Variants in RALGAPA2 observed in about 807,000 individuals in gnomAD.
RALGAPA2 encodes the protein Ral GTPase activating protein catalytic subunit alpha 2, also known as ral GTPase-activating protein subunit alpha-2.
In RALGAPA2, 139 loss-of-function variants were observed where a neutral mutation model predicts 230.4. That is an observed-to-expected ratio of 0.60 (90% CI 0.53 to 0.69). The LOEUF (loss-of-function observed/expected upper bound fraction) is 0.69, where lower values mean the gene tolerates loss of function less well. Ranked by LOEUF, RALGAPA2 falls within the 30% of genes least tolerant of loss-of-function variation. The pLI is 0.00. For missense variants in RALGAPA2, 2,163 were observed against 2,276.0 expected (o/e 0.95, Z 1.01); for synonymous variants, 847 against 837.8 (o/e 1.01, Z -0.19).
intron 36 of RALGAPA2, among the ~76,000 whole-genome samples, chr20:20,491,253 G>A (rs939551503): frequency 3.3e-5 from 5 of 152,078 alleles, no homozygotes; most frequent in African/African-American, 1.2e-4. Flanking sequence ...TTTTCTCCAT[G>A]CTCGTATGTA....
At chr20:20,592,451 A>G (rs2065319875) in intron 16 of RALGAPA2, among the ~76,000 whole-genome samples, 1 of 151,768 alleles carries the variant, frequency 6.6e-6, no homozygotes, top group African/African-American at 2.4e-5. Flanking sequence ...ATCCCTCCTT[A>G]CCATGCTGCC....
In RALGAPA2 at chr20:20,624,395, A is replaced by G. The variant is rs553607584; in HGVS notation, c.1234-3765T>C. On this transcript the variant is annotated intron_variant, in intron 10 of 39. Coordinates refer to ENST00000202677, the MANE Select transcript of RALGAPA2 (RefSeq NM_020343.4). ...TCCCCATCATAAAAGGACTTAAGGC[A>G]TAAGCGTTCCAGGACATCTTCCTGA... 9.6e-4 allele frequency among the ~76,000 whole-genome samples: 146 copies of G among 152,092 alleles called. 1 individual carries two copies. Among genetic ancestry groups the G allele is most frequent in the African/African-American group, 3.4e-3 (140 of 41,522 alleles).
At chr20:20,601,089 G>A (rs1250601300) in intron 16 of RALGAPA2, among the ~76,000 whole-genome samples, 2 of 151,722 alleles carry the variant, frequency 1.3e-5, no homozygotes, top group East Asian at 3.9e-4. Flanking sequence ...GTCAGAGCGA[G>A]ACTCTGTCTC....
intron 36 of RALGAPA2, among the ~76,000 whole-genome samples, chr20:20,476,518 C>G (rs6106256): frequency 1.3e-5 from 2 of 151,576 alleles, no homozygotes; most frequent in African/African-American, 4.8e-5. Flanking sequence ...AAAAGTGAAC[C>G]TTGACCTTCA....
chr20:20,540,326 T>C (rs1175097142), intron 24 of RALGAPA2, among the ~76,000 whole-genome samples: 1 of 152,222 alleles, frequency 6.6e-6, no homozygotes, highest in Non-Finnish European at 1.5e-5. Context: ...GTGCAATATT[T>C]GAAAACAGAA....
intron 31 of RALGAPA2, among the ~76,000 whole-genome samples, chr20:20,515,017 G>A (rs1307858088): frequency 2.0e-5 from 3 of 152,166 alleles, no homozygotes; most frequent in African/African-American, 7.2e-5. Context: ...CCCAACACCA[G>A]GGGAGCTGTA....
chr20:20,561,067 A>T (rs2064242754), intron 23 of RALGAPA2, among the ~76,000 whole-genome samples: 1 of 152,208 alleles, frequency 6.6e-6, no homozygotes. Context: ...TCTAAAGTGA[A>T]TGTTCCCTTT....
At chr20:20,569,294 ACAGT>A (rs1264643601) in intron 23 of RALGAPA2, among the ~76,000 whole-genome samples, 8 of 152,224 alleles carry the variant, frequency 5.3e-5, no homozygotes, top group Non-Finnish European at 7.4e-5. Flanking sequence ...TGTTTGGCAG[ACAGT>A]CAGCGCTTCT....
intron 1 of RALGAPA2, among the ~76,000 whole-genome samples, chr20:20,687,965 T>C (rs1458830153): frequency 6.6e-6 from 1 of 152,170 alleles, no homozygotes; most frequent in African/African-American, 2.4e-5. Flanking sequence ...CACCAGCCAG[T>C]ATGTTTCGGT....
intron 26 of RALGAPA2, among the ~76,000 whole-genome samples, 151 bp from the exon 27 acceptor site, chr20:20,531,946 A>G (rs2063379448): frequency 6.6e-6 from 1 of 152,252 alleles, no homozygotes; most frequent in African/African-American, 2.4e-5. Flanking sequence ...AAGAAAAGAT[A>G]AAGAACCCTC....
intron 39 of RALGAPA2, 135 bp downstream of exon 39, chr20:20,396,560 C>A: frequency 1.3e-6 from 1 of 763,498 alleles, no homozygotes; most frequent in South Asian, 2.0e-5. Flanking sequence ...TGGGCAGGGC[C>A]CCCGGGGAGG....
chr20:20,491,482 T>C (rs1367377206), intron 36 of RALGAPA2, among the ~76,000 whole-genome samples: 1 of 152,142 alleles, frequency 6.6e-6, no homozygotes, highest in African/African-American at 2.4e-5. Context: ...CACTAAAACT[T>C]ACCTTCGCAA....
At chr20:20,594,838 C>T (rs2065402479) in intron 16 of RALGAPA2, among the ~76,000 whole-genome samples, 1 of 150,952 alleles carries the variant, frequency 6.6e-6, no homozygotes, top group Admixed American at 6.6e-5. Flanking sequence ...ATGGCATTCT[C>T]CTGCCTCAGC....
At chr20:20,710,842 G>T (rs2069827170) in intron 1 of RALGAPA2, among the ~76,000 whole-genome samples, 2 of 152,158 alleles carry the variant, frequency 1.3e-5, no homozygotes, top group Non-Finnish European at 2.9e-5. Flanking sequence ...CTAAAGCACA[G>T]AAAAAGGCTC....
intron 25 of RALGAPA2, 26 bp from the exon 26 acceptor site, chr20:20,535,829 A>G (rs1390457385): frequency 6.5e-7 from 1 of 1,539,612 alleles, no homozygotes; most frequent in African/African-American, 1.4e-5. Context: ...TAAGTAAAAT[A>G]AAAACTTTGT....
At chr20:20,692,560 T>A (rs2068951659) in intron 1 of RALGAPA2, among the ~76,000 whole-genome samples, 1 of 152,234 alleles carries the variant, frequency 6.6e-6, no homozygotes, top group South Asian at 2.1e-4. Context: ...GACCTGATAC[T>A]GCTGAGCCAA....
chr20:20,644,941 GAT>G (rs2146540410), intron 4 of RALGAPA2, among the ~76,000 whole-genome samples: 1 of 152,262 alleles, frequency 6.6e-6, no homozygotes, highest in South Asian at 2.1e-4. Flanking sequence ...GAGACCTAAT[GAT>G]AAAGTCTGCA....
chr20:20,704,824 T>G (rs1277738213), intron 1 of RALGAPA2, among the ~76,000 whole-genome samples: 1 of 152,232 alleles, frequency 6.6e-6, no homozygotes, highest in East Asian at 1.9e-4. Flanking sequence ...TAAAAGCCAT[T>G]GTGCACTTAA....
chr20:20,640,947 C>T (rs1300894310), intron 5 of RALGAPA2, 69 bp from the exon 6 acceptor site: 2 of 1,358,088 alleles, frequency 1.5e-6, no homozygotes, highest in Non-Finnish European at 2.0e-6. Context: ...AATGTAGCAT[C>T]GGTCTTGAGA....
Sources: gnomAD v4.1 joint callset for allele counts (sites outside exome capture counted in the v4.1 genomes callset) on GRCh38, gnomAD v4.1.1 for gene constraint, MANE v1.5 for transcripts, NCBI Gene and HGNC (gene_info 2026-07-23, HGNC 2026-07-21) for gene names.